Variants in ITPRID1 observed in about 807,000 individuals in gnomAD.
The protein encoded by ITPRID1 is protein ITPRID1.
In ITPRID1, 96 loss-of-function variants were observed where a neutral mutation model predicts 95.4. That is an observed-to-expected ratio of 1.01 (90% CI 0.85 to 1.19). The LOEUF (loss-of-function observed/expected upper bound fraction) is 1.19, where lower values mean the gene tolerates loss of function less well. Among genes scored for constraint, ITPRID1 ranks in the 50% most tolerant of loss-of-function variants. The pLI, the probability that ITPRID1 is intolerant of heterozygous loss-of-function variation, is 0.00. For synonymous variants in ITPRID1, 510 were observed against 453.6 expected, an observed-to-expected ratio of 1.12 and a Z score of -1.58; for missense variants, 1,339 against 1,252.9, an observed-to-expected ratio of 1.07 and a Z score of -1.04.
intron 3 of ITPRID1, 77 bp from the exon 4 acceptor site, chr7:31,554,398 G>A: frequency 6.5e-7 from 1 of 1,543,416 alleles, no homozygotes; most frequent in Non-Finnish European, 8.8e-7. Context: ...GTGACTGAGT[G>A]GCGGCTGAGT....
intron 1 of ITPRID1, among the ~76,000 whole-genome samples, chr7:31,528,756 C>T (rs774245510): frequency 7.2e-5 from 11 of 152,082 alleles, no homozygotes; most frequent in Non-Finnish European, 1.6e-4. Flanking sequence ...CCCCTCTTTC[C>T]CCTCCTCTTT....
At chr7:31,548,275 A>G (rs1445044476) in intron 1 of ITPRID1, among the ~76,000 whole-genome samples, 3 of 152,104 alleles carry the variant, frequency 2.0e-5, no homozygotes, top group Admixed American at 1.3e-4. Context: ...TTCCAGAAAG[A>G]TGACAGAAAT....
At chr7:31,590,618 G>A (rs1029035474) in intron 10 of ITPRID1, among the ~76,000 whole-genome samples, 1 of 152,092 alleles carries the variant, frequency 6.6e-6, no homozygotes, top group East Asian at 1.9e-4. Context: ...AAGTTGCAGA[G>A]AGAAGAAAAA....
intron 10 of ITPRID1, among the ~76,000 whole-genome samples, chr7:31,598,097 A>G (rs1177077352): frequency 1.3e-5 from 2 of 152,232 alleles, no homozygotes; most frequent in Non-Finnish European, 2.9e-5. Flanking sequence ...GCCCATACCC[A>G]GAGATAAATT....
intron 10 of ITPRID1, among the ~76,000 whole-genome samples, chr7:31,620,555 T>A (rs1318465670): frequency 6.6e-6 from 1 of 151,468 alleles, no homozygotes; most frequent in Non-Finnish European, 1.5e-5. Flanking sequence ...GGGTCCTGTC[T>A]GTTAGAAGGA....
In ITPRID1 at chr7:31,553,252, T is replaced by C. The variant is rs1345924394; in HGVS notation, c.163+65T>C. ...GTGAGTGGTGAGGGATGTGGGAGCT[T>C]TTGGCCAGGGGCAGGTGATTTTGGA... On this transcript the variant is annotated intron_variant, in intron 3 of 14. Coordinates refer to ENST00000615280, the MANE Select transcript of ITPRID1 (RefSeq NM_001257967.3). 3 of 1,446,198 alleles carry C rather than the reference T, an allele frequency of 2.1e-6. No homozygotes were observed. In the East Asian group the frequency reaches 7.4e-5, roughly 36 times the overall value. The allele number at this position is 1,446,198 out of a possible 1,614,324, so 89.6% of individuals were successfully genotyped here.
chr7:31,577,858 T>C lies in ITPRID1; in HGVS notation c.599-5T>C, dbSNP rs1482476133. The C allele has an allele frequency of 2.5e-6, 4 of 1,580,336 alleles. No homozygotes were observed. The African/African-American group carries it at 5.4e-5, about 21-fold the overall frequency. On this transcript the variant is annotated splice_region_variant and splice_polypyrimidine_tract_variant and intron_variant, in intron 8 of 14. Coordinates refer to ENST00000615280, the MANE Select transcript of ITPRID1 (RefSeq NM_001257967.3). ...TGAAACTTTCGTGTTTCTTGTGTTG[T>C]GCAGGTCGTTTCCGACAGCTGGAAA...
Position 31,643,926 on chromosome 7 carries a change from G to A in ITPRID1, c.2556G>A (p.Gln852=), listed in dbSNP as rs1267214624. ...AQFMTTLKAL[Q]DTTVRELCSC... ...TCATGACGACTTTGAAAGCCCTTCAGGACACTACAGTGAGGGAGCTATGTT... is the reference window on the plus strand; with the variant it reads ...TCATGACGACTTTGAAAGCCCTTCAAGACACTACAGTGAGGGAGCTATGTT... Residue 852 remains glutamine, a synonymous_variant, in exon 12 of 15, where the codon CAG becomes CAA. Transcript: ENST00000615280. 1 of 1,613,182 alleles carries A rather than the reference G, an allele frequency of 6.2e-7. No homozygotes were observed. Among genetic ancestry groups the A allele is most frequent in the Admixed American group, 1.7e-5 (1 of 59,976 alleles).
chr7:31,638,147 G>A (rs1372784865), intron 10 of ITPRID1, among the ~76,000 whole-genome samples: 1 of 152,176 alleles, frequency 6.6e-6, no homozygotes, highest in Non-Finnish European at 1.5e-5. Context: ...GTTACTGCAA[G>A]AATCATCATG....
At chr7:31,560,531 C>T (rs1229685102) in intron 5 of ITPRID1, among the ~76,000 whole-genome samples, 4 of 152,070 alleles carry the variant, frequency 2.6e-5, no homozygotes, top group Non-Finnish European at 5.9e-5. Flanking sequence ...TAGGGCTATA[C>T]AAGGCTAGTA....
chr7:31,615,798 G>C (rs1350496822), intron 10 of ITPRID1, among the ~76,000 whole-genome samples: 1 of 151,298 alleles, frequency 6.6e-6, no homozygotes, highest in Non-Finnish European at 1.5e-5. Flanking sequence ...CTGTTGCCCA[G>C]GCTGGAGTGC....
At chr7:31,606,602 G>C (rs1443284542) in intron 10 of ITPRID1, among the ~76,000 whole-genome samples, 1 of 152,154 alleles carries the variant, frequency 6.6e-6, no homozygotes, top group East Asian at 1.9e-4. Flanking sequence ...ACTTGATATG[G>C]AGAAAGAATT....
At chr7:31,520,579 G>A (rs1221771294) in intron 1 of ITPRID1, among the ~76,000 whole-genome samples, 1 of 146,600 alleles carries the variant, frequency 6.8e-6, no homozygotes, top group Non-Finnish European at 1.5e-5. Flanking sequence ...GAGAGAGAGA[G>A]AGTTTGGCAC....
chr7:31,555,668 A>G (rs1399972458), intron 5 of ITPRID1, among the ~76,000 whole-genome samples: 1 of 152,196 alleles, frequency 6.6e-6, no homozygotes. Context: ...ATTGTGAAGA[A>G]TTTGTGTGAA....
intron 10 of ITPRID1, among the ~76,000 whole-genome samples, chr7:31,611,410 GTTATT>G (rs1425938784): frequency 6.6e-6 from 1 of 151,758 alleles, no homozygotes; most frequent in Non-Finnish European, 1.5e-5. Flanking sequence ...TACCTATGTA[GTTATT>G]TTAATGAGTG....
intron 9 of ITPRID1, among the ~76,000 whole-genome samples, chr7:31,580,531 T>C (rs921798046): frequency 6.6e-6 from 1 of 152,160 alleles, no homozygotes; most frequent in Non-Finnish European, 1.5e-5. Context: ...ATAAATTTTA[T>C]ATAACTAAAT....
Position 31,643,575 on chromosome 7 carries a change from A to G in ITPRID1, c.2205A>G (p.Leu735=). Residue 735 remains leucine, a synonymous_variant, in exon 12 of 15, where the codon TTA becomes TTG. Transcript: ENST00000615280. ...ALGTGPRGTS[L]ECTVCDPVTA... ...GGACTGGTCCCAGAGGAACATCTTT[A>G]GAATGCACTGTGTGTGATCCTGTTA... The G allele has an allele frequency of 6.2e-7, 1 of 1,614,026 alleles. No homozygotes were observed. The highest frequency in any genetic ancestry group is 1.7e-5 in the Admixed American group (1 of 60,026).
chr7:31,540,817 C>T (rs1783909883), intron 1 of ITPRID1, among the ~76,000 whole-genome samples: 1 of 152,142 alleles, frequency 6.6e-6, no homozygotes, highest in Admixed American at 6.5e-5. Context: ...CAGAAAGTGA[C>T]ATTATTTACT....
intron 10 of ITPRID1, among the ~76,000 whole-genome samples, chr7:31,615,292 A>T (rs1562610010): frequency 6.6e-6 from 1 of 152,172 alleles, no homozygotes; most frequent in Non-Finnish European, 1.5e-5. Context: ...TCAGGTCATA[A>T]GTATTACTTG....
Sources: gnomAD v4.1 joint callset for allele counts (sites outside exome capture counted in the v4.1 genomes callset) on GRCh38, gnomAD v4.1.1 for gene constraint, MANE v1.5 for transcripts, NCBI Gene and HGNC (gene_info 2026-07-23, HGNC 2026-07-21) for gene names.